KCNMA1: variants seen among roughly 807,000 people sequenced by gnomAD.
KCNMA1 encodes potassium calcium-activated channel subfamily M alpha 1.
KCNMA1 carries 29 observed loss-of-function variants against 140.0 expected under a neutral mutation model. The ratio of observed to expected loss-of-function variants is 0.21; its 90% CI spans 0.15 to 0.28. The LOEUF (loss-of-function observed/expected upper bound fraction) is 0.28. Among genes scored for constraint, KCNMA1 ranks in the 10% least tolerant of loss-of-function variants. The probability of loss-of-function intolerance (pLI) is 1.00; values close to 1 mark genes in which losing one functional copy is unlikely to be tolerated. For missense variants in KCNMA1, 880 were observed against 1,602.2 expected, an observed-to-expected ratio of 0.55 and a Z score of 7.70; for synonymous variants, 612 against 611.9, an observed-to-expected ratio of 1.00 and a Z score of 0.00.
At chr10:77,514,042 T>C (rs2049371777) in intron 1 of KCNMA1, among the ~76,000 whole-genome samples, 1 of 152,366 alleles carries the variant, frequency 6.6e-6, no homozygotes, top group South Asian at 2.1e-4. Flanking sequence ...CCCGTGCCTA[T>C]CTTTAGAAGT....
At chr10:76,965,783 G>A (rs1379168887) in intron 20 of KCNMA1, among the ~76,000 whole-genome samples, 1 of 152,182 alleles carries the variant, frequency 6.6e-6, no homozygotes, top group Non-Finnish European at 1.5e-5. Flanking sequence ...TTATAGAGTT[G>A]TAGTTAGGAC....
intron 5 of KCNMA1, among the ~76,000 whole-genome samples, chr10:77,168,754 TC>T (rs1188181545): frequency 3.3e-5 from 5 of 152,210 alleles, no homozygotes; most frequent in Non-Finnish European, 7.3e-5. Context: ...GTTCAGGTCA[TC>T]AAAATTGATT....
chr10:77,102,063 AGTTGGAGATTTTTATG>A (rs1448385414), intron 9 of KCNMA1, among the ~76,000 whole-genome samples: 1 of 152,216 alleles, frequency 6.6e-6, no homozygotes, highest in African/African-American at 2.4e-5. Flanking sequence ...GCTGTGGTAT[AGTTGGAGATTTTTATG>A]GATGTGTAGA....
intron 3 of KCNMA1, among the ~76,000 whole-genome samples, chr10:77,225,244 CA>C: frequency 6.6e-6 from 1 of 151,966 alleles, no homozygotes; most frequent in Non-Finnish European, 1.5e-5. Flanking sequence ...GGCATTACAG[CA>C]AAAAAGACTG....
intron 2 of KCNMA1, among the ~76,000 whole-genome samples, chr10:77,266,955 TACAGTCTGAAGTAGGGACAG>T (rs1177989178): frequency 1.3e-5 from 2 of 152,192 alleles, no homozygotes; most frequent in Admixed American, 1.3e-4. Context: ...TCATGAACCT[TACAGTCTGAAGTAGGGACAG>T]ACACTCAACA....
intron 1 of KCNMA1, among the ~76,000 whole-genome samples, chr10:77,454,825 T>C (rs2097729964): frequency 6.6e-6 from 1 of 152,172 alleles, no homozygotes; most frequent in African/African-American, 2.4e-5. Flanking sequence ...TAAAACAATC[T>C]AGAAGAGCAA....
intron 1 of KCNMA1, among the ~76,000 whole-genome samples, chr10:77,482,816 A>G (rs16934883): frequency 0.022 from 3,353 of 151,980 alleles, 73 homozygotes; most frequent in African/African-American, 0.053. Context: ...TGTCTCAGCT[A>G]CCCCAAAATG....
chr10:77,412,846 T>C (rs1200568807), intron 1 of KCNMA1, among the ~76,000 whole-genome samples: 1 of 151,790 alleles, frequency 6.6e-6, no homozygotes, highest in African/African-American at 2.4e-5. Flanking sequence ...TTAGCTTTTT[T>C]TTGTTTTGTT....
At position 76,949,369 on chromosome 10, in the gene KCNMA1, A is replaced by G; in HGVS notation, c.2485-3T>C. ...GTCATGGCAGCTTCACTTCGAGTCT[A>G]CAACAGGGAGAAGTGGGTAAGAGTC... On this transcript the variant is annotated splice_polypyrimidine_tract_variant and splice_region_variant and intron_variant, in intron 21 of 27. Coordinates refer to ENST00000286628, the MANE Select transcript of KCNMA1 (RefSeq NM_001161352.2). 2.5e-6 allele frequency: 4 copies of G among 1,612,518 alleles called. No individual in the cohort carries two copies. Among genetic ancestry groups the G allele is most frequent in the Non-Finnish European group, 3.4e-6 (4 of 1,178,832 alleles).
chr10:76,882,383 A>G (rs16933980), downstream of KCNMA1, among the ~76,000 whole-genome samples: 19,418 of 152,112 alleles, frequency 0.13, 2,027 homozygotes, highest in African/African-American at 0.28. Flanking sequence ...AAGGGCTAAC[A>G]AGGAGCTTCG....
intron 3 of KCNMA1, among the ~76,000 whole-genome samples, chr10:77,207,136 T>C (rs921415473): frequency 5.9e-5 from 9 of 152,206 alleles, no homozygotes; most frequent in Admixed American, 1.3e-4. Context: ...TGTCAATTTT[T>C]TTTTCTAGAT....
At chr10:77,075,677 C>G (rs1391449484) in intron 13 of KCNMA1, among the ~76,000 whole-genome samples, 1 of 152,138 alleles carries the variant, frequency 6.6e-6, no homozygotes, top group Non-Finnish European at 1.5e-5. Context: ...TGAGTTTGTT[C>G]CTTATCTCAG....
chr10:77,517,860 C>T (rs1465130478), intron 1 of KCNMA1, among the ~76,000 whole-genome samples: 2 of 152,102 alleles, frequency 1.3e-5, no homozygotes, highest in Admixed American at 6.5e-5. Context: ...GTTGAGGAAA[C>T]AGGCGATAAG....
intron 2 of KCNMA1, among the ~76,000 whole-genome samples, chr10:77,311,254 T>C (rs2079183701): frequency 6.6e-6 from 1 of 152,204 alleles, no homozygotes; most frequent in African/African-American, 2.4e-5. Flanking sequence ...CTTTCTCCCC[T>C]GGCAAATACA....
chr10:76,940,820 G>T (rs1223260145), intron 23 of KCNMA1, among the ~76,000 whole-genome samples: 1 of 151,434 alleles, frequency 6.6e-6, no homozygotes, highest in African/African-American at 2.4e-5. Context: ...AATTAGCCGG[G>T]TGTGGCAGCA....
In KCNMA1 at chr10:77,282,325, C is replaced by A. The variant is rs2068924493; in HGVS notation, c.541-31069G>T. 2.0e-5 allele frequency among the ~76,000 whole-genome samples: 3 copies of A among 152,156 alleles called. 1 individual carries two copies. Among genetic ancestry groups the A allele is most frequent in the Admixed American group, 2.0e-4 (3 of 15,282 alleles). ...CACTTTCCTCCATGACTCAGGTGAA[C>A]CTTCCTCTGTGCCACCACGTGGACT... On this transcript the variant is annotated intron_variant, in intron 2 of 27. Transcript: ENST00000286628.
At chr10:77,100,439 G>C (rs971411825) in intron 9 of KCNMA1, among the ~76,000 whole-genome samples, 41 of 152,292 alleles carry the variant, frequency 2.7e-4, no homozygotes, top group Non-Finnish European at 5.6e-4. Flanking sequence ...CTGTGGTTCT[G>C]GGGGTGACAG....
At chr10:77,530,093 C>T (rs1403249584) in intron 1 of KCNMA1, among the ~76,000 whole-genome samples, 1 of 152,238 alleles carries the variant, frequency 6.6e-6, no homozygotes, top group Non-Finnish European at 1.5e-5. Flanking sequence ...CCAGCAGTGT[C>T]TACATGGTTG....
intron 2 of KCNMA1, among the ~76,000 whole-genome samples, chr10:77,329,232 A>C (rs947829855): frequency 2.0e-5 from 3 of 152,222 alleles, no homozygotes; most frequent in African/African-American, 7.2e-5. Flanking sequence ...GCATACCAGA[A>C]ATAACACAAA....
Sources: gnomAD v4.1 joint callset for allele counts (sites outside exome capture counted in the v4.1 genomes callset) on GRCh38, gnomAD v4.1.1 for gene constraint, MANE v1.5 for transcripts, NCBI Gene and HGNC (gene_info 2026-07-23, HGNC 2026-07-21) for gene names.